OLAH: variants seen among roughly 807,000 people sequenced by gnomAD.
OLAH encodes the protein oleoyl-ACP hydrolase, also known as S-acyl fatty acid synthase thioesterase, medium chain.
Under a neutral mutation model 27.8 loss-of-function variants are expected in OLAH, and 33 were observed. The ratio of observed to expected loss-of-function variants is 1.19; its 90% CI spans 0.90 to 1.59. The LOEUF (loss-of-function observed/expected upper bound fraction) is 1.59, where lower values mean the gene tolerates loss of function less well. Ranked by LOEUF, OLAH falls within the 40% of genes most tolerant of loss-of-function variation. The pLI, the probability that OLAH is intolerant of heterozygous loss-of-function variation, is 0.00. For synonymous variants in OLAH, 120 were observed against 102.9 expected (o/e 1.17, Z -1.01); for missense variants, 359 against 310.8 (o/e 1.16, Z -1.17).
chr10:15,037,410 G>T (rs138393582), intron 1 of OLAH, among the ~76,000 whole-genome samples: 1 of 151,816 alleles, frequency 6.6e-6, no homozygotes, highest in Non-Finnish European at 1.5e-5. Context: ...GTGAAACCCC[G>T]TCTCTACTAA....
chr10:15,032,556 G>T (rs987379688), intron 1 of OLAH, among the ~76,000 whole-genome samples: 2 of 149,782 alleles, frequency 1.3e-5, no homozygotes, highest in Non-Finnish European at 3.0e-5. Context: ...GGGAGGCAAA[G>T]GTTCCAGTAA....
At chr10:15,059,489 C>T (rs1316229808) in intron 3 of OLAH, among the ~76,000 whole-genome samples, 1 of 151,538 alleles carries the variant, frequency 6.6e-6, no homozygotes, top group Non-Finnish European at 1.5e-5. Flanking sequence ...ACCTGGCAGG[C>T]TTGAACAATT....
At chr10:15,040,358 C>T (rs1843902078), upstream of OLAH, among the ~76,000 whole-genome samples, 1 of 152,168 alleles carries the variant, frequency 6.6e-6, no homozygotes, top group Non-Finnish European at 1.5e-5. Flanking sequence ...CTGGCTGACA[C>T]CAGTGGTGAA....
chr10:15,048,603 A>G (rs905535596), intron 2 of OLAH, among the ~76,000 whole-genome samples: 3 of 152,240 alleles, frequency 2.0e-5, no homozygotes, highest in African/African-American at 4.8e-5. Flanking sequence ...ATATAACTTG[A>G]AAAGTGGCTC....
In OLAH at chr10:15,073,092, A is replaced by G; in HGVS notation, c.661A>G (p.Lys221Glu). The G allele has an allele frequency of 2.5e-6, 4 of 1,612,110 alleles. No homozygotes were observed. Among genetic ancestry groups the G allele is most frequent in the Non-Finnish European group, 3.4e-6 (4 of 1,179,404 alleles). The change falls in exon 8 of 8, where the codon AAA becomes GAA. Residue 221 changes from lysine to glutamate, a missense_variant. By Grantham distance (56) the Lys-to-Glu change is moderately conservative. Transcript: ENST00000378228. ...ACAATCTTGTTTATTTTCAGCCTGG[A>G]AAGATGTAACCAGTGGAAATGCTAA... ...EDIAKDMEAW[K>E]DVTSGNAKIY...
At chr10:15,046,922 T>C (rs1412877945) in intron 1 of OLAH, among the ~76,000 whole-genome samples, 2 of 152,210 alleles carry the variant, frequency 1.3e-5, no homozygotes, top group Non-Finnish European at 2.9e-5. Context: ...TGTCTGTATA[T>C]ACGTGAGCAG....
At chr10:15,071,956 C>CTCTGTCTCAAA in intron 7 of OLAH, 79 bp downstream of exon 7, 4 of 1,027,062 alleles carry the variant, frequency 3.9e-6, no homozygotes, top group South Asian at 1.4e-5. Context: ...TCTTTTGAGA[C>CTCTGTCTCAAA]AGAGTCTCGC....
At chr10:15,072,995 T>A in intron 7 of OLAH, 92 bp from the exon 8 acceptor site, 1 of 1,219,350 alleles carries the variant, frequency 8.2e-7, no homozygotes. Flanking sequence ...TAACCGTACT[T>A]CAGGGTGTCA....
intron 1 of OLAH, among the ~76,000 whole-genome samples, chr10:15,038,462 G>A (rs1457388549): frequency 6.6e-6 from 1 of 152,112 alleles, no homozygotes; most frequent in South Asian, 2.1e-4. Context: ...CAATTCCCAC[G>A]TGTTATGCGA....
At chr10:15,043,494 TCAGA>T (rs1239709190), upstream of OLAH, among the ~76,000 whole-genome samples, 5 of 141,284 alleles carry the variant, frequency 3.5e-5, no homozygotes, top group South Asian at 6.7e-4. Flanking sequence ...TTTTTTTTTT[TCAGA>T]CAGAGTTTTG....
chr10:15,065,901 T>C, intron 6 of OLAH, 148 bp downstream of exon 6: 1 of 671,684 alleles, frequency 1.5e-6, no homozygotes, highest in Non-Finnish European at 2.5e-6. Context: ...ATGGTATGTA[T>C]ACTGGTTTAG....
intron 4 of OLAH, among the ~76,000 whole-genome samples, chr10:15,064,067 C>T (rs1326205): frequency 0.097 from 14,791 of 152,204 alleles, 941 homozygotes; most frequent in African/African-American, 0.16. Context: ...TCAGAAATTT[C>T]CAGGGGTCCC....
intron 6 of OLAH, among the ~76,000 whole-genome samples, chr10:15,070,832 C>G (rs2075226944): frequency 7.0e-6 from 1 of 141,882 alleles, no homozygotes; most frequent in Non-Finnish European, 1.5e-5. Context: ...GTTGCTCAGG[C>G]TGGAGTGCAA....
At chr10:15,040,128 G>A (rs1392265182), upstream of OLAH, among the ~76,000 whole-genome samples, 1 of 152,006 alleles carries the variant, frequency 6.6e-6, no homozygotes, top group East Asian at 1.9e-4. Context: ...TCCAGTCCTG[G>A]GGCCTCTTTT....
At chr10:15,044,206 T>A (rs929125347) in intron 1 of OLAH, among the ~76,000 whole-genome samples, 1 of 152,134 alleles carries the variant, frequency 6.6e-6, no homozygotes, top group Non-Finnish European at 1.5e-5. Context: ...ACCTGTTCTA[T>A]GTTTCTTTCC....
intron 3 of OLAH, 113 bp from the exon 4 acceptor site, chr10:15,061,611 T>G: frequency 2.0e-6 from 2 of 985,222 alleles, no homozygotes; most frequent in Non-Finnish European, 2.8e-6. Context: ...GACTTAACTG[T>G]TATCATTCAT....
intron 7 of OLAH, among the ~76,000 whole-genome samples, chr10:15,072,629 T>C (rs545318741): frequency 6.6e-6 from 1 of 151,998 alleles, no homozygotes; most frequent in Non-Finnish European, 1.5e-5. Flanking sequence ...AAGCTTGGAA[T>C]GTTTCTGTGT....
chr10:15,072,605 G>A (rs1255105461), intron 7 of OLAH, among the ~76,000 whole-genome samples: 1 of 152,098 alleles, frequency 6.6e-6, no homozygotes, highest in South Asian at 2.1e-4. Flanking sequence ...GTTTTAGGGT[G>A]AGGGGCTTAT....
intron 3 of OLAH, among the ~76,000 whole-genome samples, chr10:15,057,230 C>T (rs763799017): frequency 6.6e-6 from 1 of 152,070 alleles, no homozygotes; most frequent in African/African-American, 2.4e-5. Context: ...TTTGAGCCTG[C>T]CTTTTGTATA....
Sources: allele counts gnomAD v4.1 joint callset (sites outside exome capture counted in the v4.1 genomes callset), GRCh38; gene constraint gnomAD v4.1.1; transcripts MANE v1.5; gene names NCBI Gene and HGNC (gene_info 2026-07-23, HGNC 2026-07-21).